Variants in HDAC9 observed in about 807,000 individuals in gnomAD.
The protein encoded by HDAC9 is MEF-2 interacting transcription repressor (MITR) protein.
A neutral mutation model predicts 139.4 loss-of-function variants in HDAC9; 41 were observed. The ratio of observed to expected loss-of-function variants is 0.29; its 90% CI spans 0.23 to 0.38. The LOEUF (loss-of-function observed/expected upper bound fraction) is 0.38, where lower values mean the gene tolerates loss of function less well. HDAC9 is among the 10% of genes least tolerant of loss of function. HDAC9 has a pLI of 1.00. For missense variants in HDAC9, 1,147 were observed against 1,297.0 expected, an observed-to-expected ratio of 0.88 and a Z score of 1.78; for synonymous variants, 517 against 476.2, an observed-to-expected ratio of 1.09 and a Z score of -1.12.
chr7:18,883,721 C>A (rs1314472349), intron 22 of HDAC9, among the ~76,000 whole-genome samples: 1 of 151,868 alleles, frequency 6.6e-6, no homozygotes, highest in Non-Finnish European at 1.5e-5. Context: ...TGAAGGGCAT[C>A]CAAATTGGAA....
intron 1 of HDAC9, among the ~76,000 whole-genome samples, chr7:18,107,306 C>G (rs978343978): frequency 6.6e-5 from 10 of 152,132 alleles, no homozygotes; most frequent in African/African-American, 2.4e-4. Flanking sequence ...TTAAAAAAAT[C>G]TTTACAACTA....
intron 2 of HDAC9, among the ~76,000 whole-genome samples, chr7:18,257,943 A>G (rs1388409606): frequency 6.6e-6 from 1 of 152,214 alleles, no homozygotes; most frequent in Non-Finnish European, 1.5e-5. Flanking sequence ...ACACTGCAGC[A>G]TCATCTGTGG....
intron 2 of HDAC9, among the ~76,000 whole-genome samples, chr7:18,228,242 T>A (rs1793203622): frequency 6.6e-6 from 1 of 152,112 alleles, no homozygotes; most frequent in African/African-American, 2.4e-5. Flanking sequence ...ATTTTATTTC[T>A]ATTGTTGCCA....
chr7:18,638,313 T>C lies in HDAC9; in HGVS notation c.912+3571T>C, dbSNP rs141486592. Among the ~76,000 whole-genome samples the C allele has an allele frequency of 2.6e-5, 4 of 152,186 alleles. No individual in the cohort carries two copies. In the East Asian group the frequency reaches 7.7e-4, roughly 29 times the overall value. On this transcript the variant is annotated intron_variant, in intron 8 of 25. Transcript: ENST00000686413. ...GGCTATATCTAAAGATCTTGAGCCCTAGATGAAAACAAAATTTTCTATCTT... is the reference window on the plus strand; with the variant it reads ...GGCTATATCTAAAGATCTTGAGCCCCAGATGAAAACAAAATTTTCTATCTT...
At chr7:18,655,453 A>T (rs1459308523) in intron 11 of HDAC9, among the ~76,000 whole-genome samples, 4 of 152,186 alleles carry the variant, frequency 2.6e-5, no homozygotes, top group Non-Finnish European at 5.9e-5. Flanking sequence ...CAATATAAAT[A>T]GATTCTTTTA....
chr7:18,323,011 A>G (rs1228480898), intron 1 of HDAC9, among the ~76,000 whole-genome samples: 1 of 152,120 alleles, frequency 6.6e-6, no homozygotes, highest in Admixed American at 6.6e-5. Context: ...TAAAGGGTGG[A>G]TGCCATTTTA....
chr7:18,531,512 CTT>C (rs1308664832), intron 2 of HDAC9, among the ~76,000 whole-genome samples: 3 of 151,852 alleles, frequency 2.0e-5, no homozygotes, highest in South Asian at 2.1e-4. Flanking sequence ...TTGAAAAAAA[CTT>C]TAAGTTTTGA....
At chr7:18,804,833 C>A (rs768177715) in intron 17 of HDAC9, among the ~76,000 whole-genome samples, 1 of 152,166 alleles carries the variant, frequency 6.6e-6, no homozygotes, top group Non-Finnish European at 1.5e-5. Context: ...CTCACTCTGT[C>A]ACCCAGGCTG....
intron 1 of HDAC9, among the ~76,000 whole-genome samples, chr7:18,160,726 C>T (rs1441527959): frequency 6.6e-6 from 1 of 152,032 alleles, no homozygotes; most frequent in Non-Finnish European, 1.5e-5. Context: ...AAGTGATTCT[C>T]CTGCTTCAGC....
intron 17 of HDAC9, among the ~76,000 whole-genome samples, chr7:18,820,077 G>T (rs1173560612): frequency 2.6e-5 from 4 of 151,996 alleles, no homozygotes; most frequent in African/African-American, 9.7e-5. Context: ...TCCCTTCAAA[G>T]TTCGAGAAAC....
intron 2 of HDAC9, among the ~76,000 whole-genome samples, chr7:18,169,470 T>A (rs779782447): frequency 1.9e-3 from 296 of 152,206 alleles, no homozygotes; most frequent in Non-Finnish European, 3.3e-3. Flanking sequence ...TCTTTTTTTT[T>A]AAATTATACT....
At chr7:18,472,038 G>T (rs1304750547) in intron 1 of HDAC9, among the ~76,000 whole-genome samples, 1 of 152,176 alleles carries the variant, frequency 6.6e-6, no homozygotes, top group Non-Finnish European at 1.5e-5. Context: ...CAGGCCTCTG[G>T]TCTGCTGTGA....
chr7:18,555,944 C>T (rs1766801962), intron 2 of HDAC9, among the ~76,000 whole-genome samples: 1 of 151,998 alleles, frequency 6.6e-6, no homozygotes, highest in Non-Finnish European at 1.5e-5. Context: ...GGTTGGTCTA[C>T]ACTCCAAAAG....
At chr7:18,988,547 G>A (rs1415897482) in intron 25 of HDAC9, among the ~76,000 whole-genome samples, 1 of 151,972 alleles carries the variant, frequency 6.6e-6, no homozygotes, top group African/African-American at 2.4e-5. Flanking sequence ...CTGTTGATTT[G>A]GGGTGGAGAG....
intron 1 of HDAC9, among the ~76,000 whole-genome samples, chr7:18,347,258 T>C (rs1355540920): frequency 1.3e-5 from 2 of 152,182 alleles, no homozygotes; most frequent in Non-Finnish European, 2.9e-5. Context: ...TTCCCACTCT[T>C]AGCAGAAAGT....
At chr7:18,284,522 TA>T (rs1797310684) in intron 2 of HDAC9, among the ~76,000 whole-genome samples, 3 of 152,190 alleles carry the variant, frequency 2.0e-5, no homozygotes, top group Admixed American at 1.3e-4. Context: ...TACCACGGGT[TA>T]ACTGCCTGTA....
At chr7:18,826,160 C>T (rs1795417776) in intron 17 of HDAC9, among the ~76,000 whole-genome samples, 1 of 152,134 alleles carries the variant, frequency 6.6e-6, no homozygotes, top group Non-Finnish European at 1.5e-5. Flanking sequence ...AGGCATCTTA[C>T]TGTGTTCTAT....
chr7:18,515,395 C>T (rs986359293), intron 2 of HDAC9, among the ~76,000 whole-genome samples: 2 of 152,122 alleles, frequency 1.3e-5, no homozygotes, highest in African/African-American at 4.8e-5. Context: ...TTTTTAGCTA[C>T]TTGGGTAGTT....
At chr7:18,988,822 C>G (rs983773109) in intron 25 of HDAC9, among the ~76,000 whole-genome samples, 17 of 151,534 alleles carry the variant, frequency 1.1e-4, no homozygotes, top group African/African-American at 3.9e-4. Context: ...ATGTAATGGC[C>G]TTCTTTGTCT....
Sources: gnomAD v4.1 joint callset for allele counts (sites outside exome capture counted in the v4.1 genomes callset) on GRCh38, gnomAD v4.1.1 for gene constraint, MANE v1.5 for transcripts, NCBI Gene and HGNC (gene_info 2026-07-23, HGNC 2026-07-21) for gene names.